The following TSPAN12 variants were observed in gnomAD, a reference collection of about 807,000 sequenced individuals.
The protein encoded by TSPAN12 is tetraspanin-12.
A neutral mutation model predicts 39.2 loss-of-function variants in TSPAN12; 19 were observed. That is an observed-to-expected ratio of 0.49 (90% confidence interval 0.34 to 0.71). TSPAN12 has a LOEUF of 0.71. Among genes scored for constraint, TSPAN12 ranks in the 30% least tolerant of loss-of-function variants. The pLI is 0.01. For synonymous variants in TSPAN12, 119 were observed against 124.8 expected (o/e 0.95, Z 0.31); for missense variants, 314 against 359.9 (o/e 0.87, Z 1.03).
intron 3 of TSPAN12, 123 bp downstream of exon 3, chr7:120,839,904 G>C (rs1414208109): frequency 6.7e-6 from 5 of 745,906 alleles, no homozygotes; most frequent in East Asian, 2.7e-5. Context: ...CTGTGACAAA[G>C]GTTGCTATGG....
intron 7 of TSPAN12, among the ~76,000 whole-genome samples, chr7:120,791,584 C>G (rs1188382037): frequency 6.6e-6 from 1 of 152,114 alleles, no homozygotes; most frequent in Non-Finnish European, 1.5e-5. Context: ...CTTAAGATCT[C>G]CTACCTCTTT....
At chr7:120,834,637 T>C (rs1044364336) in intron 4 of TSPAN12, among the ~76,000 whole-genome samples, 2 of 152,180 alleles carry the variant, frequency 1.3e-5, no homozygotes, top group Non-Finnish European at 2.9e-5. Context: ...GAGATACCAA[T>C]TGTCTTTTGA....
chr7:120,819,368 A>G (rs542744941), intron 4 of TSPAN12, among the ~76,000 whole-genome samples: 1 of 152,200 alleles, frequency 6.6e-6, no homozygotes, highest in South Asian at 2.1e-4. Flanking sequence ...GTAGCCCATG[A>G]TTGGTGGGGA....
intron 4 of TSPAN12, among the ~76,000 whole-genome samples, chr7:120,833,707 A>G (rs2116446511): frequency 6.6e-6 from 1 of 152,276 alleles, no homozygotes; most frequent in Non-Finnish European, 1.5e-5. Context: ...TATTTGCATC[A>G]CATCCTGACA....
At chr7:120,798,370 G>C (rs964244548) in intron 7 of TSPAN12, among the ~76,000 whole-genome samples, 2 of 152,176 alleles carry the variant, frequency 1.3e-5, no homozygotes, top group Non-Finnish European at 2.9e-5. Flanking sequence ...AATGAAGTCA[G>C]TAGAGAGACA....
intron 6 of TSPAN12, 58 bp downstream of exon 6, chr7:120,810,405 T>C (rs913543450): frequency 6.5e-6 from 7 of 1,071,002 alleles, no homozygotes; most frequent in Admixed American, 1.7e-5. Context: ...TTTAAACATC[T>C]GGTTTGAAGG....
chr7:120,797,456 A>G (rs189238030), intron 7 of TSPAN12, among the ~76,000 whole-genome samples: 1 of 152,370 alleles, frequency 6.6e-6, no homozygotes, highest in Admixed American at 6.5e-5. Flanking sequence ...TCTATGAAAG[A>G]GAGATAAACT....
Position 120,806,630 on chromosome 7 carries a change from G to A in TSPAN12, c.531C>T (p.Pro177=). Residue 177 remains proline (P), a synonymous_variant, in exon 7 of 8, where the codon CCC becomes CCT. Transcript: ENST00000222747. ...DWLEMTEMDW[P]PDSCCVREFP... is the part of the protein sequence containing the mutation. ...ATTCTCTAACACAGCAGGAATCTGG[G>A]GGCCAGTCCATCTCTGTCATTTCCA... 1.9e-6 allele frequency: 3 copies of A among 1,613,416 alleles called. No individual in the cohort carries two copies. The highest frequency in any genetic ancestry group is 2.2e-5 in the South Asian group (2 of 91,064).
Position 120,788,368 on chromosome 7 carries a change from T to A in TSPAN12, c.*224A>T, listed in dbSNP as rs1793449547. The A allele has an allele frequency of 1.8e-6, 1 of 569,632 alleles. No homozygotes were observed. The highest frequency in any genetic ancestry group is 1.9e-5 in the African/African-American group (1 of 53,152). The allele number at this position is 569,632 out of a possible 1,614,324, so 35.3% of individuals were successfully genotyped here. On this transcript the variant is annotated 3_prime_UTR_variant, in exon 8 of 8. Transcript: ENST00000222747. Reference sequence around the variant, plus strand: ...TCATACACAGGCTACACAGTGGGTATGACATCTGTCTTCAGCATTTTAAGG... The same window carrying A: ...TCATACACAGGCTACACAGTGGGTAAGACATCTGTCTTCAGCATTTTAAGG...
At position 120,827,868 on chromosome 7, in the gene TSPAN12, G is replaced by A. The variant is rs138016466; in HGVS notation, c.285+10909C>T. Among the ~76,000 whole-genome samples the A allele has an allele frequency of 4.3e-3, 653 of 152,284 alleles. 3 individuals are homozygous for A. Among genetic ancestry groups the A allele is most frequent in the Non-Finnish European group, 6.8e-3 (465 of 68,012 alleles). On this transcript the variant is annotated intron_variant, in intron 4 of 7. Transcript: ENST00000222747. ...CCTGAGGCTGAAAAATCGCTGCAGC[G>A]TTCCAAAGAACTAATGTTGTAACCC...
chr7:120,798,225 C>A (rs1482713291), intron 7 of TSPAN12, among the ~76,000 whole-genome samples: 1 of 152,166 alleles, frequency 6.6e-6, no homozygotes, highest in Non-Finnish European at 1.5e-5. Flanking sequence ...TTCGATCAAG[C>A]AAAGCCTGAA....
At chr7:120,848,945 A>G (rs185821155) in intron 2 of TSPAN12, among the ~76,000 whole-genome samples, 11 of 152,342 alleles carry the variant, frequency 7.2e-5, no homozygotes, top group African/African-American at 2.4e-4. Context: ...TAAACCTAGA[A>G]GCACAACTTA....
intron 7 of TSPAN12, among the ~76,000 whole-genome samples, chr7:120,790,223 T>G (rs1329566644): frequency 2.0e-5 from 3 of 152,160 alleles, no homozygotes; most frequent in Non-Finnish European, 4.4e-5. Context: ...CAACTAACCT[T>G]GGGTATTACC....
At position 120,788,817 on chromosome 7, in the gene TSPAN12, C is replaced by T; in HGVS notation, c.693G>A (p.Gly231=). 1 of 1,614,056 alleles carries T rather than the reference C, an allele frequency of 6.2e-7. No homozygotes were observed. The highest frequency in any genetic ancestry group is 8.5e-7 in the Non-Finnish European group (1 of 1,179,996). The change falls in exon 8 of 8, where the codon GGG becomes GGA. Residue 231 remains glycine (G), a synonymous_variant. Coordinates refer to ENST00000222747, the MANE Select transcript of TSPAN12 (RefSeq NM_012338.4). ...QVLRFLGISI[G]VTQILAMILT... ...GAATCATGGCCAGGATTTGTGTCAC[C>T]CCAATGGAGATTCCCAGAAACCTCA...
chr7:120,835,835 C>T (rs1183760083), intron 4 of TSPAN12, among the ~76,000 whole-genome samples: 1 of 152,078 alleles, frequency 6.6e-6, no homozygotes, highest in East Asian at 1.9e-4. Flanking sequence ...AATGAAAGTA[C>T]TGAGAAGAAA....
Position 120,789,989 on chromosome 7 carries a change from T to C in TSPAN12, c.613-1092A>G, listed in dbSNP as rs78799376. 5.8e-3 allele frequency among the ~76,000 whole-genome samples: 878 copies of C among 152,262 alleles called. 9 individuals are homozygous for C. Among genetic ancestry groups the C allele is most frequent in the Middle Eastern group, 0.02 (6 of 294 alleles). ...GGGGTGGCCAGATTTTCATGCACTA[T>C]GCGAATGGTACACCTGATCTGACCA... On this transcript the variant is annotated intron_variant, in intron 7 of 7. Coordinates refer to ENST00000222747, the MANE Select transcript of TSPAN12 (RefSeq NM_012338.4).
At chr7:120,838,430 A>T (rs904721770) in intron 4 of TSPAN12, among the ~76,000 whole-genome samples, 5 of 152,214 alleles carry the variant, frequency 3.3e-5, no homozygotes, top group Non-Finnish European at 7.3e-5. Flanking sequence ...GATTTGTTTA[A>T]AAATAGAAGA....
chr7:120,819,773 C>A (rs971999065), intron 4 of TSPAN12, among the ~76,000 whole-genome samples: 3 of 152,110 alleles, frequency 2.0e-5, no homozygotes, highest in Non-Finnish European at 2.9e-5. Flanking sequence ...TCTGCATCTA[C>A]CCCTAAATTT....
At chr7:120,849,868 G>A (rs1481374352) in intron 2 of TSPAN12, among the ~76,000 whole-genome samples, 1 of 152,178 alleles carries the variant, frequency 6.6e-6, no homozygotes, top group Non-Finnish European at 1.5e-5. Flanking sequence ...TTACAGGCAT[G>A]AGCCACCATA....
Sources: gnomAD v4.1 joint callset for allele counts (sites outside exome capture counted in the v4.1 genomes callset) on GRCh38, gnomAD v4.1.1 for gene constraint, MANE v1.5 for transcripts, NCBI Gene and HGNC (gene_info 2026-07-23, HGNC 2026-07-21) for gene names.